ATAD3B: variants seen among roughly 807,000 people sequenced by gnomAD.
ATAD3B encodes ATPase family AAA domain containing 3B, also known as ATPase family AAA domain-containing protein 3B.
A neutral mutation model predicts 70.2 loss-of-function variants in ATAD3B; 59 were observed. The observed-to-expected ratio is 0.84, with a 90% confidence interval of 0.68 to 1.04. The LOEUF (loss-of-function observed/expected upper bound fraction) is 1.04. Ranked by LOEUF, ATAD3B falls within the 50% of genes least tolerant of loss-of-function variation. The pLI, the probability that ATAD3B is intolerant of heterozygous loss-of-function variation, is 0.00. For missense variants in ATAD3B, 961 were observed against 913.4 expected, an observed-to-expected ratio of 1.05 and a Z score of -0.67; for synonymous variants, 423 against 388.6, an observed-to-expected ratio of 1.09 and a Z score of -1.04.
chr1:1,508,196 G>A, the ATAD3B span, among the ~76,000 whole-genome samples: 1 of 149,738 alleles, frequency 6.7e-6, no homozygotes. Context: ...CACAGTGGCG[G>A]TACGGCTCCA....
At chr1:1,495,313 T>C (rs370573880) in intron 15 of ATAD3B, among the ~76,000 whole-genome samples, 172 bp from the exon 16 acceptor site, 2,066 of 151,920 alleles carry the variant, frequency 0.014, 42 homozygotes, top group South Asian at 0.026. Flanking sequence ...CAGGGGCCGC[T>C]CCCAGTGTCC....
downstream of ATAD3B, among the ~76,000 whole-genome samples, chr1:1,501,379 T>C (rs572823498): frequency 3.3e-5 from 5 of 152,024 alleles, no homozygotes; most frequent in East Asian, 1.9e-4. Flanking sequence ...CTCAGCCTCC[T>C]GAGTAGCTGG....
At chr1:1,495,338 C>T (rs1640727431) in intron 15 of ATAD3B, 147 bp from the exon 16 acceptor site, 1 of 1,142,750 alleles carries the variant, frequency 8.8e-7, no homozygotes, top group Non-Finnish European at 1.2e-6. Context: ...GCGTGCTGGG[C>T]TCTGCCAAGG....
chr1:1,508,037 C>T, the ATAD3B span, among the ~76,000 whole-genome samples: 2 of 152,182 alleles, frequency 1.3e-5, no homozygotes, highest in African/African-American at 2.4e-5. Context: ...GGGGTGGCCC[C>T]GTGAGCATCT....
chr1:1,477,548 G>A (rs1443782190), intron 2 of ATAD3B, among the ~76,000 whole-genome samples, 198 bp downstream of exon 2: 1 of 151,886 alleles, frequency 6.6e-6, no homozygotes, highest in Non-Finnish European at 1.5e-5. Flanking sequence ...CGCCCGAGAG[G>A]GAGGGTCAGT....
chr1:1,487,814 C>A (rs1225837028), intron 11 of ATAD3B, 49 bp from the exon 12 acceptor site: 3 of 1,605,308 alleles, frequency 1.9e-6, no homozygotes, highest in Middle Eastern at 1.9e-4. Context: ...CTGCTGTGGG[C>A]TGCTCCTGGC....
At chr1:1,486,493 G>A (rs752073214) in intron 10 of ATAD3B, 51 bp from the exon 11 acceptor site, 16 of 1,611,776 alleles carry the variant, frequency 9.9e-6, no homozygotes, top group Middle Eastern at 1.7e-4. Flanking sequence ...TGCAGGCTTT[G>A]CAGAGGCAGA....
rs781304793 is a variant in ATAD3B at position 1,495,597 on chromosome 1, G to A, written c.1727G>A (p.Gly576Glu). 1.9e-6 allele frequency: 3 copies of A among 1,613,140 alleles called. No homozygotes were observed. Among genetic ancestry groups the A allele is most frequent in the South Asian group, 2.2e-5 (2 of 91,028 alleles). The part of the protein sequence containing the change: ...RQKMRWLKAE[G>E]PGRGVEHPLS... ...AAGATGCGCTGGCTGAAGGCGGAGG[G>A]GCCTGGGCGCGGGGTCGAGCACCCC... is the stretch of plus-strand genomic sequence containing the variant. Residue 576 changes from glycine to glutamate, a missense_variant, in exon 16 of 16, where the codon GGG becomes GAG. Around this residue, in one of 4 missense-constraint regions of ATAD3B, gnomAD observed 417 missense variants for 335.0 expected, o/e 1.24. Coordinates refer to ENST00000673477, the MANE Select transcript of ATAD3B (RefSeq NM_031921.6).
chr1:1,485,052 T>C lies in ATAD3B; in HGVS notation c.787T>C (p.Ser263Pro), dbSNP rs371820070. Residue 263 changes from serine (S) to proline (P), a missense_variant, in exon 8 of 16, where the codon TCA becomes CCA. Transcript: ENST00000673477. ...GLTLLAVGVY[S>P]AKNATAVTGR... Reference sequence around the variant, plus strand: ...GACGCTGCTGGCTGTCGGGGTCTACTCAGCCAAGAATGCGACAGCCGTCAC... The same window carrying C: ...GACGCTGCTGGCTGTCGGGGTCTACCCAGCCAAGAATGCGACAGCCGTCAC... 1 of 1,605,580 alleles carries C rather than the reference T, an allele frequency of 6.2e-7. No individual in the cohort carries two copies. Among genetic ancestry groups the C allele is most frequent in the Non-Finnish European group, 8.5e-7 (1 of 1,177,586 alleles).
downstream of ATAD3B, among the ~76,000 whole-genome samples, chr1:1,500,638 T>C (rs1358458481): frequency 6.7e-6 from 1 of 150,106 alleles, no homozygotes; most frequent in East Asian, 2.0e-4. Flanking sequence ...TATATATAAA[T>C]GTGTATATAT....
intron 4 of ATAD3B, 111 bp from the exon 5 acceptor site, chr1:1,480,756 G>C: frequency 1.9e-6 from 3 of 1,542,426 alleles, no homozygotes; most frequent in Non-Finnish European, 2.6e-6. Flanking sequence ...GTCCCCAGGT[G>C]CCCAGGACGC....
downstream of ATAD3B, among the ~76,000 whole-genome samples, chr1:1,501,480 C>T (rs1487902415): frequency 6.6e-6 from 1 of 152,168 alleles, no homozygotes; most frequent in African/African-American, 2.4e-5. Context: ...TGGTCTCGAT[C>T]TCCTGACTTC....
chr1:1,504,177 G>A, the ATAD3B span, among the ~76,000 whole-genome samples: 11 of 151,586 alleles, frequency 7.3e-5, no homozygotes, highest in African/African-American at 9.7e-5. Flanking sequence ...TAGTAGAGAC[G>A]GGTTCACCAT....
In ATAD3B at chr1:1,477,486, G is replaced by A. The variant is rs534615999; in HGVS notation, c.282+136G>A. ...AGTGGGGCCAGGGCCGAGCTTGGGCGCCTCATTTCACAGAGGGAAACAAGG... is the reference window on the plus strand; with the variant it reads ...AGTGGGGCCAGGGCCGAGCTTGGGCACCTCATTTCACAGAGGGAAACAAGG... On this transcript the variant is annotated intron_variant, in intron 2 of 15. Coordinates refer to ENST00000673477, the MANE Select transcript of ATAD3B (RefSeq NM_031921.6). The A allele has an allele frequency of 2.1e-4, 301 of 1,432,594 alleles. 3 individuals are homozygous for A. The South Asian group carries it at 3.2e-3, about 15-fold the overall frequency. 88.7% of individuals were successfully genotyped at this position (1,432,594 alleles called of 1,614,324 possible).
rs1381491223 is a variant in ATAD3B at position 1,481,024 on chromosome 1, C to T, written c.514+88C>T. On this transcript the variant is annotated intron_variant, in intron 5 of 15. Coordinates refer to ENST00000673477, the MANE Select transcript of ATAD3B (RefSeq NM_031921.6). ...CACTCTGAGCCTGAGTTCTGCCGCCCGGCCCCTCATAGCTACCAGTGCAGT... is the reference window on the plus strand; with the variant it reads ...CACTCTGAGCCTGAGTTCTGCCGCCTGGCCCCTCATAGCTACCAGTGCAGT... The T allele has an allele frequency of 8.4e-6, 13 of 1,555,826 alleles. 1 individual carries two copies. The highest frequency in any genetic ancestry group is 2.3e-5 in the South Asian group (2 of 85,854).
rs1402021679 is a variant in ATAD3B, at chr1:1,495,508, C to CG, written c.1642dup (p.Val548GlyfsTer4). 9 of 1,609,720 alleles carry CG rather than the reference C, an allele frequency of 5.6e-6. No homozygotes were observed. The highest frequency in any genetic ancestry group is 7.6e-6 in the Non-Finnish European group (9 of 1,176,968). On this transcript the variant is annotated frameshift_variant, in exon 16 of 16. Transcript: ENST00000673477. LOFTEE classifies it low-confidence loss of function (END_TRUNC). ...AGGCCACGGCATATGCCTCCAAGGACGGGGTCCTCACTGAGGCCATGATGG... is the reference window on the plus strand; with the variant it reads ...AGGCCACGGCATATGCCTCCAAGGACGGGGGTCCTCACTGAGGCCATGATGG...
Position 1,497,111 on chromosome 1 carries a change from C to T in ATAD3B, c.*1294C>T, listed in dbSNP as rs557139285. On this transcript the variant is annotated 3_prime_UTR_variant, in exon 16 of 16. Transcript: ENST00000673477. ...GAGCCTGGGCACGCAACGGTCCCATCGGAGAGCAGACCCCTCGGAGCTGCA... is the reference window on the plus strand; with the variant it reads ...GAGCCTGGGCACGCAACGGTCCCATTGGAGAGCAGACCCCTCGGAGCTGCA... 8.2e-4 allele frequency: 124 copies of T among 152,134 alleles called. No individual in the cohort carries two copies. The highest frequency in any genetic ancestry group is 1.1e-3 in the Non-Finnish European group (72 of 68,080). The allele number at this position is 152,134 out of a possible 1,614,324, so 9.4% of individuals were successfully genotyped here.
intron 15 of ATAD3B, among the ~76,000 whole-genome samples, chr1:1,493,308 T>TG (rs1640627984): frequency 6.6e-6 from 1 of 152,126 alleles, no homozygotes; most frequent in South Asian, 2.1e-4. Context: ...TCAGAATTCT[T>TG]GCTTGGTTCT....
intron 13 of ATAD3B, 125 bp downstream of exon 13, chr1:1,489,399 GA>G: frequency 5.9e-6 from 9 of 1,517,842 alleles, no homozygotes; most frequent in Non-Finnish European, 7.2e-6. Flanking sequence ...GCCCACCTCA[GA>G]TGTCCCCTGG....
Sources: gnomAD v4.1 joint callset for allele counts (sites outside exome capture counted in the v4.1 genomes callset) on GRCh38, gnomAD v4.1.1 for gene constraint, gnomAD v4.1.1 regional missense constraint, MANE v1.5 for transcripts, NCBI Gene and HGNC (gene_info 2026-07-23, HGNC 2026-07-21) for gene names.